FNIP1: variants seen among roughly 807,000 people sequenced by gnomAD.
The protein encoded by FNIP1 is folliculin-interacting protein 1.
In FNIP1, 40 loss-of-function variants were observed where a neutral mutation model predicts 124.5. The ratio of observed to expected loss-of-function variants is 0.32; its 90% CI spans 0.25 to 0.42. The LOEUF (loss-of-function observed/expected upper bound fraction) is 0.42, where lower values mean the gene tolerates loss of function less well. FNIP1 is among the 10% of genes least tolerant of loss of function. The probability of loss-of-function intolerance (pLI) is 1.00; values close to 1 mark genes in which losing one functional copy is unlikely to be tolerated. For synonymous variants in FNIP1, 472 were observed against 470.6 expected, an observed-to-expected ratio of 1.00 and a Z score of -0.04; for missense variants, 1,176 against 1,403.7, an observed-to-expected ratio of 0.84 and a Z score of 2.59.
intron 17 of FNIP1, among the ~76,000 whole-genome samples, chr5:131,645,628 A>G (rs926529298): frequency 1.1e-4 from 17 of 152,342 alleles, no homozygotes; most frequent in African/African-American, 4.1e-4. Context: ...GAGAGTATTC[A>G]GTATAATCTG....
At chr5:131,665,336 C>T (rs1767566004) in intron 15 of FNIP1, among the ~76,000 whole-genome samples, 1 of 151,882 alleles carries the variant, frequency 6.6e-6, no homozygotes, top group African/African-American at 2.4e-5. Context: ...TTGTGTTTGG[C>T]TTTCTTCACA....
At chr5:131,755,196 G>A (rs559793448) in intron 1 of FNIP1, among the ~76,000 whole-genome samples, 1 of 152,268 alleles carries the variant, frequency 6.6e-6, no homozygotes, top group East Asian at 1.9e-4. Context: ...CAAGGTGGGT[G>A]GATCTCCTGA....
chr5:131,737,114 A>G (rs1770337836), intron 2 of FNIP1, among the ~76,000 whole-genome samples: 1 of 152,238 alleles, frequency 6.6e-6, no homozygotes, highest in African/African-American at 2.4e-5. Flanking sequence ...CTGAGATAAC[A>G]AAGTAAAATA....
chr5:131,776,831 T>C (rs1342937113), intron 1 of FNIP1, among the ~76,000 whole-genome samples: 1 of 152,182 alleles, frequency 6.6e-6, no homozygotes, highest in Admixed American at 6.5e-5. Flanking sequence ...TGCTTGTGCA[T>C]CTGGGTGCTT....
chr5:131,693,315 TAC>T (rs1226278607), intron 11 of FNIP1, among the ~76,000 whole-genome samples: 643 of 19,082 alleles, frequency 0.034, 17 homozygotes, highest in Middle Eastern at 0.094. Context: ...TATATATATA[TAC>T]ACATATATAT....
chr5:131,689,395 T>C (rs894288199), intron 11 of FNIP1, among the ~76,000 whole-genome samples: 8 of 152,136 alleles, frequency 5.3e-5, no homozygotes, highest in African/African-American at 1.4e-4. Context: ...AAATGTAAAA[T>C]AAAGTCTTTC....
chr5:131,733,314 C>CT (rs1770165468), intron 2 of FNIP1, among the ~76,000 whole-genome samples: 1 of 152,068 alleles, frequency 6.6e-6, no homozygotes, highest in South Asian at 2.1e-4. Context: ...AATGAATACC[C>CT]TTTATTTCTT....
At chr5:131,702,283 C>A (rs990921102) in intron 10 of FNIP1, among the ~76,000 whole-genome samples, 1 of 152,140 alleles carries the variant, frequency 6.6e-6, no homozygotes, top group Non-Finnish European at 1.5e-5. Context: ...CTCAAGCACC[C>A]CTCCCACCTC....
At chr5:131,706,924 G>A (rs1339625468) in intron 8 of FNIP1, among the ~76,000 whole-genome samples, 11 of 152,150 alleles carry the variant, frequency 7.2e-5, no homozygotes, top group Non-Finnish European at 1.2e-4. Flanking sequence ...TGCAGCAGCT[G>A]GATTTTAAGA....
At chr5:131,680,685 C>T (rs1044778551) in intron 11 of FNIP1, among the ~76,000 whole-genome samples, 3 of 152,170 alleles carry the variant, frequency 2.0e-5, no homozygotes, top group Non-Finnish European at 4.4e-5. Flanking sequence ...CTTTGGGAGA[C>T]TGGGGCAGGA....
At chr5:131,677,509 C>T (rs1267886629) in intron 13 of FNIP1, 194 bp downstream of exon 13, 1 of 490,354 alleles carries the variant, frequency 2.0e-6, no homozygotes, top group African/African-American at 1.9e-5. Flanking sequence ...TGCAGTTCTT[C>T]ATCTATAAGG....
At chr5:131,656,468 G>A (rs1482320174) in intron 15 of FNIP1, among the ~76,000 whole-genome samples, 1 of 152,150 alleles carries the variant, frequency 6.6e-6, no homozygotes, top group African/African-American at 2.4e-5. Flanking sequence ...TGGGTACAGG[G>A]TTGCTGTAAG....
chr5:131,725,133 G>A lies in FNIP1; in HGVS notation c.355-5716C>T, dbSNP rs535159525. 5.1e-4 allele frequency among the ~76,000 whole-genome samples: 77 copies of A among 152,222 alleles called. 1 individual carries two copies. The South Asian group carries it at 0.014, about 29-fold the overall frequency. On this transcript the variant is annotated intron_variant, in intron 3 of 17. Transcript: ENST00000510461. ...GTGGTATAGTTTGAAGTCAGGTAGC[G>A]TGATGCCTCCAGCTTTGTTCTTTTG...
chr5:131,735,057 C>G (rs571442338), intron 2 of FNIP1, among the ~76,000 whole-genome samples: 3 of 152,290 alleles, frequency 2.0e-5, no homozygotes, highest in East Asian at 1.9e-4. Flanking sequence ...TTGGAACCAA[C>G]CCAAATGTCC....
chr5:131,660,875 A>G (rs966698339), intron 15 of FNIP1, among the ~76,000 whole-genome samples: 1 of 152,148 alleles, frequency 6.6e-6, no homozygotes, highest in Admixed American at 6.5e-5. Context: ...TGACGCTGGC[A>G]CTATCTCTAC....
At chr5:131,774,395 C>T (rs578081592) in intron 1 of FNIP1, among the ~76,000 whole-genome samples, 13 of 152,188 alleles carry the variant, frequency 8.5e-5, no homozygotes, top group Admixed American at 7.9e-4. Flanking sequence ...GCAGTATATC[C>T]GATATAACAT....
chr5:131,756,713 C>A (rs1771062970), intron 1 of FNIP1, among the ~76,000 whole-genome samples: 1 of 152,104 alleles, frequency 6.6e-6, no homozygotes, highest in South Asian at 2.1e-4. Flanking sequence ...TATAGCTGAT[C>A]ATTCATGTTT....
chr5:131,791,229 G>C (rs1580843941), intron 1 of FNIP1, among the ~76,000 whole-genome samples: 1 of 152,218 alleles, frequency 6.6e-6, no homozygotes, highest in Middle Eastern at 3.4e-3. Context: ...GCAAATAAAT[G>C]CATAAAAAAT....
At chr5:131,744,539 C>G in intron 2 of FNIP1, 25 bp downstream of exon 2, 1 of 1,570,804 alleles carries the variant, frequency 6.4e-7, no homozygotes, top group Non-Finnish European at 8.6e-7. Flanking sequence ...CATTAAAAGT[C>G]AACCAAATCA....
Sources: allele counts gnomAD v4.1 joint callset (sites outside exome capture counted in the v4.1 genomes callset), GRCh38; gene constraint gnomAD v4.1.1; transcripts MANE v1.5; gene names NCBI Gene and HGNC (gene_info 2026-07-23, HGNC 2026-07-21).